Variants in SHC1 observed in about 807,000 individuals in gnomAD.
The protein encoded by SHC1 is SHC adaptor protein 1.
A neutral mutation model predicts 55.9 loss-of-function variants in SHC1; 30 were observed. The ratio of observed to expected loss-of-function variants is 0.54; its 90% confidence interval spans 0.40 to 0.73. The LOEUF (loss-of-function observed/expected upper bound fraction) is 0.73. SHC1 is among the 30% of genes least tolerant of loss of function. The pLI is 0.00. For synonymous variants in SHC1, 309 were observed against 306.1 expected (o/e 1.01, Z -0.10); for missense variants, 675 against 777.1 (o/e 0.87, Z 1.56).
upstream of SHC1, among the ~76,000 whole-genome samples, chr1:154,972,077 G>A (rs556720881): frequency 5.9e-5 from 9 of 152,152 alleles, no homozygotes; most frequent in South Asian, 1.9e-3. Context: ...GTGAAACCCT[G>A]TCTCTACTAA....
Position 154,969,371 on chromosome 1 carries a change from C to T in SHC1, c.566+7G>A. ...GGACTCCCACAATCCACTCCCTCCCCACTAACCTGGTGACCTGAGTCCGGG... is the reference window on the plus strand; with the variant it reads ...GGACTCCCACAATCCACTCCCTCCCTACTAACCTGGTGACCTGAGTCCGGG... On this transcript the variant is annotated splice_region_variant and intron_variant, in intron 2 of 11. Transcript: ENST00000448116. 1 of 1,602,450 alleles carries T rather than the reference C, an allele frequency of 6.2e-7. No individual in the cohort carries two copies. Among genetic ancestry groups the T allele is most frequent in the Non-Finnish European group, 8.5e-7 (1 of 1,171,550 alleles).
chr1:154,964,373 CA>C (rs201924242), intron 11 of SHC1: 4,265 of 344,872 alleles, frequency 0.012, no homozygotes, highest in South Asian at 0.02. Flanking sequence ...CCATCTCTAC[CA>C]AAAAAAAAAT....
chr1:154,974,067 G>A (rs1215745000), upstream of SHC1, among the ~76,000 whole-genome samples: 2 of 151,996 alleles, frequency 1.3e-5, no homozygotes, highest in Non-Finnish European at 2.9e-5. Context: ...GGTGGGGTCG[G>A]AGACAAAAAA....
At chr1:154,965,827 A>C (rs770128160) in intron 10 of SHC1, 46 bp from the exon 11 acceptor site, 1 of 1,582,208 alleles carries the variant, frequency 6.3e-7, no homozygotes, top group South Asian at 1.1e-5. Flanking sequence ...GGCACAACAC[A>C]CACCCAAGAC....
At chr1:154,964,488 CAA>C (rs536313238) in intron 11 of SHC1, 1 of 354,728 alleles carries the variant, frequency 2.8e-6, no homozygotes, top group East Asian at 7.4e-5. Flanking sequence ...AGAAAACAAA[CAA>C]AAGTTTTTTT....
At chr1:154,969,812 A>C (rs1571449324) in intron 1 of SHC1, among the ~76,000 whole-genome samples, 1 of 40,800 alleles carries the variant, frequency 2.5e-5, no homozygotes, top group Non-Finnish European at 4.7e-5. Flanking sequence ...TAAGCATGCC[A>C]GGGTGGGGGT....
In SHC1 at chr1:154,963,560, A is replaced by G; in HGVS notation, c.*243T>C. The G allele has an allele frequency of 2.3e-6, 1 of 429,268 alleles. No individual in the cohort carries two copies. Among genetic ancestry groups the G allele is most frequent in the African/African-American group, 2.0e-5 (1 of 50,586 alleles). The allele number at this position is 429,268 out of a possible 1,614,324, so 26.6% of individuals were successfully genotyped here. ...CATCAGGTTGGCACAGGAAAGGCCC[A>G]GGTGAGGGGCCACTCTGTACATTAA... On this transcript the variant is annotated 3_prime_UTR_variant, in exon 12 of 12. Coordinates refer to ENST00000448116, the MANE Select transcript of SHC1 (RefSeq NM_001130040.2).
Position 154,968,768 on chromosome 1 carries a change from T to G in SHC1, c.630+3A>C. 6.2e-7 allele frequency: 1 copy of G among 1,613,550 alleles called. No individual in the cohort carries two copies. The highest frequency in any genetic ancestry group is 1.1e-5 in the South Asian group (1 of 91,066). The stretch of plus-strand genomic sequence containing the variant: ...CATCCCTATCCCCAAGGACCCCAAG[T>G]ACCTTTCTCCTCCTTGTCGCCCCCT... On this transcript the variant is annotated splice_donor_region_variant and intron_variant, in intron 3 of 11. Coordinates refer to ENST00000448116, the MANE Select transcript of SHC1 (RefSeq NM_001130040.2).
At position 154,968,632 on chromosome 1, in the gene SHC1, G is replaced by T; in HGVS notation, c.631-18C>A. The T allele has an allele frequency of 6.2e-7, 1 of 1,613,958 alleles. No individual in the cohort carries two copies. Among genetic ancestry groups the T allele is most frequent in the Non-Finnish European group, 8.5e-7 (1 of 1,179,934 alleles). On this transcript the variant is annotated intron_variant, in intron 3 of 11. Coordinates refer to ENST00000448116, the MANE Select transcript of SHC1 (RefSeq NM_001130040.2). ...CTACAGGGCTAAGGTAGGGCCCAGGGTCTCAGAAGGTGAGGGTTCCCAGCA... is the reference window on the plus strand; with the variant it reads ...CTACAGGGCTAAGGTAGGGCCCAGGTTCTCAGAAGGTGAGGGTTCCCAGCA...
chr1:154,966,444 A>C lies in SHC1; in HGVS notation c.1057T>G (p.Phe353Val). 1 of 1,613,052 alleles carries C rather than the reference A, an allele frequency of 6.2e-7. No homozygotes were observed. The highest frequency in any genetic ancestry group is 1.1e-5 in the South Asian group (1 of 90,824). The change falls in exon 8 of 12, where the codon TTC (phenylalanine) becomes GTC (valine). Residue 353 changes from phenylalanine (F) to valine (V), a missense_variant. By Grantham distance (50) the Phe-to-Val change is conservative. Transcript: ENST00000448116. ...EPPDHQYYNDFPGKEPPLGGV... is the reference protein window; with the variant it reads ...EPPDHQYYNDVPGKEPPLGGV... ...CCCAAGGGGGGTTCCTTCCCCGGGA[A>C]GTCATTATAGTACTGATGGTCAGGT...
chr1:154,967,558 A>T, intron 7 of SHC1, 113 bp downstream of exon 7: 1 of 1,140,942 alleles, frequency 8.8e-7, no homozygotes, highest in Non-Finnish European at 1.2e-6. Context: ...AGTGGGAAGC[A>T]GAGGCACACA....
At chr1:154,969,117 C>A (rs4845401) in intron 2 of SHC1, among the ~76,000 whole-genome samples, 1 of 151,974 alleles carries the variant, frequency 6.6e-6, no homozygotes, top group Non-Finnish European at 1.5e-5. Context: ...CATCTACCCC[C>A]CTTTTCTACT....
intron 2 of SHC1, 55 bp from the exon 3 acceptor site, chr1:154,968,889 C>A: frequency 6.6e-7 from 1 of 1,513,970 alleles, no homozygotes; most frequent in South Asian, 1.1e-5. Context: ...TCCCACTCAA[C>A]TGGGGCTGCC....
At chr1:154,969,533 G>A in intron 1 of SHC1, 85 bp from the exon 2 acceptor site, 2 of 837,314 alleles carry the variant, frequency 2.4e-6, no homozygotes, top group South Asian at 2.9e-5. Context: ...TTACCCATAT[G>A]GTCCCTAAGG....
chr1:154,967,938 TCAAA>T (rs1203907417), intron 6 of SHC1, 38 bp downstream of exon 6: 10 of 1,611,704 alleles, frequency 6.2e-6, no homozygotes, highest in Non-Finnish European at 8.5e-6. Context: ...ACTCACCTCC[TCAAA>T]CAGCCAGACC....
At position 154,968,494 on chromosome 1, in the gene SHC1, C is replaced by G. The variant is rs112912444; in HGVS notation, c.750+1G>C. ...TGGTCCGTCTGCCCACCTTCACCAA[C>G]CTGTTTGCAGTCTGCGGCCATGAGG... On this transcript the variant is annotated splice_donor_variant, in intron 4 of 11. Coordinates refer to ENST00000448116, the MANE Select transcript of SHC1 (RefSeq NM_001130040.2). LOFTEE classifies it high-confidence loss of function. 6.2e-7 allele frequency: 1 copy of G among 1,614,124 alleles called. No individual in the cohort carries two copies. Among genetic ancestry groups the G allele is most frequent in the Non-Finnish European group, 8.5e-7 (1 of 1,180,026 alleles).
chr1:154,971,146 C>T (rs1656714167), upstream of SHC1, among the ~76,000 whole-genome samples: 1 of 152,104 alleles, frequency 6.6e-6, no homozygotes, highest in Admixed American at 6.5e-5. Context: ...CAGAGCTCAG[C>T]ATTTCCCTTC....
At chr1:154,969,093 C>CA (rs1441539303) in intron 2 of SHC1, among the ~76,000 whole-genome samples, 1 of 152,270 alleles carries the variant, frequency 6.6e-6, no homozygotes, top group African/African-American at 2.4e-5. Flanking sequence ...TTCCCAAAGG[C>CA]AGCAGCAACC....
At chr1:154,964,113 TAGAC>T (rs1558049807) in intron 11 of SHC1, 182 bp from the exon 12 acceptor site, 5 of 768,340 alleles carry the variant, frequency 6.5e-6, no homozygotes, top group South Asian at 5.5e-5. Flanking sequence ...GTTGTAGGAA[TAGAC>T]AGGTCAGTGA....
Sources: allele counts gnomAD v4.1 joint callset (sites outside exome capture counted in the v4.1 genomes callset), GRCh38; gene constraint gnomAD v4.1.1; transcripts MANE v1.5; gene names NCBI Gene and HGNC (gene_info 2026-07-23, HGNC 2026-07-21).